The following UBE2K variants were observed in gnomAD, a reference collection of about 807,000 sequenced individuals.
UBE2K encodes ubiquitin-conjugating enzyme E2 K.
A neutral mutation model predicts 30.0 loss-of-function variants in UBE2K; 6 were observed. That is an observed-to-expected ratio of 0.20 (90% confidence interval 0.11 to 0.39). The LOEUF (loss-of-function observed/expected upper bound fraction) is 0.39. UBE2K is among the 10% of genes least tolerant of loss of function. The probability of loss-of-function intolerance (pLI) is 1.00; values close to 1 mark genes in which losing one functional copy is unlikely to be tolerated. For synonymous variants in UBE2K, 86 were observed against 83.7 expected (o/e 1.03, Z -0.15); for missense variants, 61 against 241.6 (o/e 0.25, Z 4.96).
chr4:39,702,226 CTTTTCTTTTTTTTTTTTTTTT>C (rs1560335668), intron 1 of UBE2K, among the ~76,000 whole-genome samples: 22 of 90,824 alleles, frequency 2.4e-4, no homozygotes, highest in Non-Finnish European at 4.2e-4. Context: ...CTTTTCTTTT[CTTTTCTTTTTTTTTTTTTTTT>C]TTTTTTTTTT....
intron 3 of UBE2K, among the ~76,000 whole-genome samples, chr4:39,749,402 C>T (rs140739445): frequency 4.5e-4 from 69 of 152,220 alleles, no homozygotes; most frequent in African/African-American, 1.7e-3. Flanking sequence ...GGTTTGCTCG[C>T]CTGTAATCCC....
intron 2 of UBE2K, among the ~76,000 whole-genome samples, chr4:39,743,046 GAA>G (rs34032249): frequency 7.4e-6 from 1 of 134,256 alleles, no homozygotes; most frequent in Admixed American, 7.4e-5. Flanking sequence ...CCTGTCTCAG[GAA>G]AAAAAAAAAA....
intron 1 of UBE2K, among the ~76,000 whole-genome samples, chr4:39,717,798 G>C (rs1464998542): frequency 6.6e-6 from 1 of 152,058 alleles, no homozygotes; most frequent in Non-Finnish European, 1.5e-5. Flanking sequence ...TGTGTTCGGA[G>C]TTTCTTCCTT....
chr4:39,718,789 G>T (rs1293085399), intron 1 of UBE2K, among the ~76,000 whole-genome samples: 1 of 152,242 alleles, frequency 6.6e-6, no homozygotes, highest in African/African-American at 2.4e-5. Flanking sequence ...CCAGTCGGCC[G>T]CTCAGAGTGC....
At chr4:39,746,971 C>A (rs925710465) in intron 3 of UBE2K, among the ~76,000 whole-genome samples, 1 of 152,102 alleles carries the variant, frequency 6.6e-6, no homozygotes, top group Non-Finnish European at 1.5e-5. Context: ...TATATATTAT[C>A]AGTAATTCCC....
In UBE2K at chr4:39,780,660, A is replaced by G. The variant is rs1713558657; in HGVS notation, c.*2226A>G. The G allele has an allele frequency of 6.6e-6, 1 of 152,086 alleles. No homozygotes were observed. 9.4% of individuals were successfully genotyped at this position (152,086 alleles called of 1,614,324 possible). On this transcript the variant is annotated 3_prime_UTR_variant, in exon 7 of 7. Transcript: ENST00000261427. The stretch of plus-strand genomic sequence containing the variant: ...AAAAGATTCTTTATTATAAAAATTT[A>G]CCTCATTTACATTTAATGTGATGAT...
chr4:39,743,535 C>T (rs1316651599), intron 2 of UBE2K, among the ~76,000 whole-genome samples: 3 of 150,304 alleles, frequency 2.0e-5, no homozygotes, highest in Non-Finnish European at 4.4e-5. Flanking sequence ...ACCCGGGAGG[C>T]GGAGCTTGCA....
At chr4:39,722,603 A>T (rs953608963) in intron 1 of UBE2K, among the ~76,000 whole-genome samples, 2 of 152,178 alleles carry the variant, frequency 1.3e-5, no homozygotes, top group African/African-American at 4.8e-5. Flanking sequence ...GTACAGTTTA[A>T]CCATGCCAGT....
Position 39,777,673 on chromosome 4 carries a change from C to T in UBE2K, c.400-9C>T. 1.3e-6 allele frequency: 2 copies of T among 1,544,346 alleles called. No individual in the cohort carries two copies. The highest frequency in any genetic ancestry group is 1.7e-6 in the Non-Finnish European group (2 of 1,156,726). ...AATGTCATGTCAATCAATTTTTCCCCCCATATAGTACAAACAAAATCCCGA... is the reference window on the plus strand; with the variant it reads ...AATGTCATGTCAATCAATTTTTCCCTCCATATAGTACAAACAAAATCCCGA... On this transcript the variant is annotated splice_polypyrimidine_tract_variant and intron_variant, in intron 5 of 6. Coordinates refer to ENST00000261427, the MANE Select transcript of UBE2K (RefSeq NM_005339.5).
At chr4:39,771,355 G>T in intron 4 of UBE2K, 1 of 1,612,748 alleles carries the variant, frequency 6.2e-7, no homozygotes, top group Admixed American at 1.7e-5. Flanking sequence ...CCACTCCTCT[G>T]CCCGGAGCTT....
chr4:39,770,098 T>A, intron 4 of UBE2K: 1 of 1,565,952 alleles, frequency 6.4e-7, no homozygotes, highest in Non-Finnish European at 8.6e-7. Context: ...ATGAGGACAT[T>A]AATCTCGGCC....
intron 2 of UBE2K, among the ~76,000 whole-genome samples, chr4:39,741,903 G>T (rs1720721434): frequency 6.6e-6 from 1 of 151,966 alleles, no homozygotes; most frequent in African/African-American, 2.4e-5. Context: ...ATGTTTTAAA[G>T]TAAAAACTAT....
intron 4 of UBE2K, among the ~76,000 whole-genome samples, chr4:39,758,128 C>T (rs1365477486): frequency 6.6e-6 from 1 of 152,206 alleles, no homozygotes; most frequent in Non-Finnish European, 1.5e-5. Flanking sequence ...TCTTCCCCAA[C>T]TAAGTTATTG....
At chr4:39,720,686 T>A (rs1719371415) in intron 1 of UBE2K, among the ~76,000 whole-genome samples, 2 of 152,246 alleles carry the variant, frequency 1.3e-5, no homozygotes, top group African/African-American at 4.8e-5. Flanking sequence ...GTATAGATAG[T>A]TAATAATCAT....
chr4:39,745,898 A>C lies in UBE2K; in HGVS notation c.216+88A>C, dbSNP rs1720962171. On this transcript the variant is annotated intron_variant, in intron 3 of 6. Coordinates refer to ENST00000261427, the MANE Select transcript of UBE2K (RefSeq NM_005339.5). The stretch of plus-strand genomic sequence containing the variant: ...ATTAATATATATTTTAGGGCTTATT[A>C]AAGTCACAGCTTTATGAATTGCTTA... The C allele has an allele frequency of 3.0e-6, 3 of 1,009,772 alleles. No homozygotes were observed. In the Admixed American group the frequency reaches 8.5e-5, roughly 29 times the overall value. The allele number at this position is 1,009,772 out of a possible 1,614,324, so 62.6% of individuals were successfully genotyped here. A position where few individuals can be genotyped will look rare whatever the true frequency, so the allele number is the denominator to read the frequency against.
chr4:39,698,421 C>T, intron 1 of UBE2K, 31 bp downstream of exon 1: 1 of 1,594,454 alleles, frequency 6.3e-7, no homozygotes. Flanking sequence ...TATCCCCCAC[C>T]TCTGCCTGGG....
intron 3 of UBE2K, among the ~76,000 whole-genome samples, chr4:39,752,925 G>C (rs529484792): frequency 1.4e-4 from 21 of 152,214 alleles, no homozygotes; most frequent in African/African-American, 5.1e-4. Flanking sequence ...GAGGCCGAGA[G>C]GGGAGGATTG....
chr4:39,748,495 C>G lies in UBE2K; in HGVS notation c.216+2685C>G, dbSNP rs187988189. Among the ~76,000 whole-genome samples, 315 of 152,154 alleles carry G rather than the reference C, an allele frequency of 2.1e-3. 1 individual carries two copies. Among genetic ancestry groups the G allele is most frequent in the African/African-American group, 7.0e-3 (292 of 41,520 alleles). The stretch of plus-strand genomic sequence containing the variant: ...CATCTTGCTATTGAAGCCACTGTTA[C>G]CTGGCCAGGCATGGTGGCTCACGCC... On this transcript the variant is annotated intron_variant, in intron 3 of 6. Transcript: ENST00000261427.
At chr4:39,744,454 G>T (rs866657012) in intron 2 of UBE2K, among the ~76,000 whole-genome samples, 1 of 151,848 alleles carries the variant, frequency 6.6e-6, no homozygotes. Context: ...TTACAGGCAT[G>T]AGCCACCGCG....
Sources: gnomAD v4.1 joint callset for allele counts (sites outside exome capture counted in the v4.1 genomes callset) on GRCh38, gnomAD v4.1.1 for gene constraint, MANE v1.5 for transcripts, NCBI Gene and HGNC (gene_info 2026-07-23, HGNC 2026-07-21) for gene names.